The following AGBL1 variants were observed in gnomAD, a reference collection of about 807,000 sequenced individuals.
The protein encoded by AGBL1 is cytosolic carboxypeptidase 4.
AGBL1 carries 130 observed loss-of-function variants against 118.9 expected under a neutral mutation model. That is an observed-to-expected ratio of 1.09 (90% CI 0.95 to 1.26). The LOEUF is 1.26. Ranked by LOEUF, AGBL1 falls within the 50% of genes most tolerant of loss-of-function variation. The pLI is 0.00. For synonymous variants in AGBL1, 555 were observed against 478.9 expected, an observed-to-expected ratio of 1.16 and a Z score of -2.08; for missense variants, 1,584 against 1,298.1, an observed-to-expected ratio of 1.22 and a Z score of -3.38.
At chr15:86,305,169 TCC>T (rs1344583939) in intron 17 of AGBL1, 3 of 152,162 alleles carry the variant, frequency 2.0e-5, no homozygotes, top group Non-Finnish European at 2.9e-5. Context: ...CCTTGTCAGT[TCC>T]CCAAACTCAG....
intron 3 of AGBL1, among the ~76,000 whole-genome samples, chr15:86,151,985 A>C (rs544785128): frequency 4.6e-5 from 7 of 152,326 alleles, no homozygotes; most frequent in African/African-American, 1.4e-4. Context: ...CTCTTCAAGG[A>C]GAACTACAAA....
At chr15:86,638,231 G>T (rs988622221) in intron 21 of AGBL1, among the ~76,000 whole-genome samples, 1 of 152,212 alleles carries the variant, frequency 6.6e-6, no homozygotes, top group East Asian at 1.9e-4. Context: ...CAATACAACA[G>T]TTGGTATCAT....
At chr15:86,653,877 C>A (rs534955407) in intron 21 of AGBL1, among the ~76,000 whole-genome samples, 46 of 152,218 alleles carry the variant, frequency 3.0e-4, no homozygotes, top group Non-Finnish European at 5.4e-4. Context: ...TCCTAGAGCT[C>A]ATTTTTTTTT....
chr15:86,489,897 G>A (rs1374833247), intron 18 of AGBL1, among the ~76,000 whole-genome samples: 3 of 152,048 alleles, frequency 2.0e-5, no homozygotes, highest in Admixed American at 2.0e-4. Flanking sequence ...TAGCTGGGTG[G>A]TATTTTCTGA....
chr15:86,455,694 G>T (rs2056785894), intron 18 of AGBL1, among the ~76,000 whole-genome samples: 1 of 152,036 alleles, frequency 6.6e-6, no homozygotes, highest in Non-Finnish European at 1.5e-5. Context: ...TAAGTGCTGT[G>T]TAGTCTATAA....
At chr15:86,918,040 A>G (rs537051101), downstream of AGBL1, among the ~76,000 whole-genome samples, 3 of 152,326 alleles carry the variant, frequency 2.0e-5, no homozygotes, top group Non-Finnish European at 4.4e-5. Flanking sequence ...GGATGAAAAC[A>G]TGGGGGAAGC....
intron 17 of AGBL1, among the ~76,000 whole-genome samples, chr15:86,323,698 A>G (rs555241056): frequency 6.6e-5 from 10 of 152,310 alleles, no homozygotes; most frequent in African/African-American, 2.2e-4. Context: ...GACAATCTAA[A>G]AAGAATAATT....
At chr15:86,609,981 A>G (rs1399106506) in intron 21 of AGBL1, among the ~76,000 whole-genome samples, 1 of 152,190 alleles carries the variant, frequency 6.6e-6, no homozygotes, top group Non-Finnish European at 1.5e-5. Context: ...CCACTTGTGC[A>G]AGTTCACAGA....
intron 18 of AGBL1, among the ~76,000 whole-genome samples, chr15:86,513,624 A>G (rs981780987): frequency 1.3e-5 from 2 of 152,008 alleles, no homozygotes; most frequent in Non-Finnish European, 2.9e-5. Context: ...TGTTGCTTGT[A>G]TCGATTATTA....
chr15:86,577,485 C>T (rs551426568), intron 21 of AGBL1, among the ~76,000 whole-genome samples: 1 of 152,258 alleles, frequency 6.6e-6, no homozygotes, highest in African/African-American at 2.4e-5. Flanking sequence ...ATCTTATTTT[C>T]TGAGGTGAAA....
At chr15:86,902,367 T>G (rs28722694) in intron 22 of AGBL1, among the ~76,000 whole-genome samples, 18,369 of 152,112 alleles carry the variant, frequency 0.12, 1,825 homozygotes, top group African/African-American at 0.28. Flanking sequence ...TTAGTGTTGT[T>G]GAACATCTTA....
intron 21 of AGBL1, among the ~76,000 whole-genome samples, chr15:86,621,698 C>T (rs1048664656): frequency 2.1e-4 from 32 of 152,278 alleles, no homozygotes; most frequent in African/African-American, 6.3e-4. Flanking sequence ...TTGGAGATAT[C>T]GTTTGGAAGG....
chr15:86,649,703 G>T (rs1439272547), intron 21 of AGBL1, among the ~76,000 whole-genome samples: 37 of 140,252 alleles, frequency 2.6e-4, no homozygotes, highest in African/African-American at 5.4e-4. Context: ...ATTAATTTGG[G>T]TTTTTTTTCT....
chr15:86,523,356 C>A lies in AGBL1; in HGVS notation c.2685+417C>A, dbSNP rs548449437. ...CTTCCCTCTGTGTCCAAGTTGCCCT[C>A]TTCTAATAAGGACATTAGTCATTGT... On this transcript the variant is annotated intron_variant, in intron 19 of 22. Transcript: ENST00000614907. Among the ~76,000 whole-genome samples the A allele has an allele frequency of 7.2e-5, 11 of 152,296 alleles. No individual in the cohort carries two copies. In the South Asian group the frequency reaches 2.1e-3, roughly 29 times the overall value.
chr15:86,147,146 C>G (rs1706067755), intron 3 of AGBL1, among the ~76,000 whole-genome samples: 1 of 152,170 alleles, frequency 6.6e-6, no homozygotes, highest in Non-Finnish European at 1.5e-5. Context: ...AGGGGGCATT[C>G]CAAGATGGCC....
chr15:86,810,907 G>C (rs2078779944), intron 22 of AGBL1, among the ~76,000 whole-genome samples: 2 of 152,144 alleles, frequency 1.3e-5, no homozygotes, highest in African/African-American at 4.8e-5. Flanking sequence ...AGGGGAAATT[G>C]TTCACTAGGA....
intron 17 of AGBL1, among the ~76,000 whole-genome samples, chr15:86,374,250 G>C (rs1348911096): frequency 1.3e-5 from 2 of 152,192 alleles, no homozygotes; most frequent in Admixed American, 1.3e-4. Flanking sequence ...AGCCAAATAA[G>C]ATTTGTATCT....
intron 18 of AGBL1, among the ~76,000 whole-genome samples, chr15:86,484,331 A>AG (rs1177222018): frequency 2.0e-5 from 3 of 152,092 alleles, no homozygotes; most frequent in Non-Finnish European, 2.9e-5. Context: ...AACTGCACAG[A>AG]GGAGGGCAGC....
At chr15:86,880,145 T>A (rs2079870000) in intron 22 of AGBL1, among the ~76,000 whole-genome samples, 1 of 152,172 alleles carries the variant, frequency 6.6e-6, no homozygotes, top group Non-Finnish European at 1.5e-5. Context: ...TTCACTATCA[T>A]CAGACAATGG....
Sources: allele counts gnomAD v4.1 joint callset (sites outside exome capture counted in the v4.1 genomes callset), GRCh38; gene constraint gnomAD v4.1.1; transcripts MANE v1.5; gene names NCBI Gene and HGNC (gene_info 2026-07-23, HGNC 2026-07-21).